The following AFF1 variants were observed in gnomAD, a reference collection of about 807,000 sequenced individuals.
AFF1 encodes ALF transcription elongation factor 1, also known as AF4/FMR2 family member 1.
In AFF1, 48 loss-of-function variants were observed where a neutral mutation model predicts 121.7. That is an observed-to-expected ratio of 0.39 (90% CI 0.31 to 0.50). AFF1 has a LOEUF of 0.50. Among genes scored for constraint, AFF1 ranks in the 20% least tolerant of loss-of-function variants. AFF1 has a pLI of 0.76. For missense variants in AFF1, 1,523 were observed against 1,511.7 expected (o/e 1.01, Z -0.12); for synonymous variants, 613 against 563.0 (o/e 1.09, Z -1.26).
rs1727321620 is a variant in AFF1 at position 87,118,269 on chromosome 4, G to C, written c.2466+2970G>C. ...AAAGAGTTAATGATGGCTAACAGCT[G>C]TGATGAAGCCATTAGACATGGCACC... On this transcript the variant is annotated intron_variant, in intron 12 of 20. Transcript: ENST00000395146. 2.0e-5 allele frequency among the ~76,000 whole-genome samples: 3 copies of C among 151,536 alleles called. No individual in the cohort carries two copies. In the South Asian group the frequency reaches 6.2e-4, roughly 32 times the overall value.
At chr4:86,980,956 C>CG (rs1560515187) in intron 2 of AFF1, among the ~76,000 whole-genome samples, 2 of 140,796 alleles carry the variant, frequency 1.4e-5, no homozygotes, top group African/African-American at 5.2e-5. Context: ...CACCCCCCCC[C>CG]TCCACCAAAA....
intron 8 of AFF1, among the ~76,000 whole-genome samples, chr4:87,102,864 TCTC>T (rs1277240091): frequency 1.3e-5 from 2 of 152,184 alleles, no homozygotes; most frequent in African/African-American, 2.4e-5. Context: ...CTGTAGTTCA[TCTC>T]CTCATTTTTC....
intron 4 of AFF1, among the ~76,000 whole-genome samples, chr4:87,067,894 G>A (rs781507180): frequency 1.7e-4 from 26 of 152,018 alleles, no homozygotes; most frequent in Non-Finnish European, 2.9e-4. Flanking sequence ...TTTATTACTC[G>A]GATTTTTATT....
At chr4:87,095,436 C>A (rs1724736255) in intron 8 of AFF1, among the ~76,000 whole-genome samples, 1 of 152,122 alleles carries the variant, frequency 6.6e-6, no homozygotes, top group Non-Finnish European at 1.5e-5. Context: ...TGGATTAAGT[C>A]CCCCTGTTGA....
intron 4 of AFF1, among the ~76,000 whole-genome samples, chr4:87,058,652 A>G (rs1280609626): frequency 2.0e-5 from 3 of 152,148 alleles, no homozygotes; most frequent in Admixed American, 6.5e-5. Context: ...CTTTCATGAT[A>G]GTCTATAGTT....
chr4:86,991,562 G>A (rs1372480503), intron 2 of AFF1, among the ~76,000 whole-genome samples: 1 of 151,982 alleles, frequency 6.6e-6, no homozygotes, highest in Non-Finnish European at 1.5e-5. Flanking sequence ...TTTTAAAATC[G>A]CTTTATAGTC....
At chr4:87,028,283 A>C (rs1211176888) in intron 2 of AFF1, among the ~76,000 whole-genome samples, 4 of 152,064 alleles carry the variant, frequency 2.6e-5, no homozygotes, top group Non-Finnish European at 5.9e-5. Flanking sequence ...GTATATCATT[A>C]AAGTTCAGTA....
intron 2 of AFF1, among the ~76,000 whole-genome samples, chr4:87,045,423 C>G (rs1473225997): frequency 4.6e-5 from 7 of 151,628 alleles, no homozygotes; most frequent in Admixed American, 4.6e-4. Flanking sequence ...CTTTTGGTCT[C>G]CATCTCTGAT....
chr4:87,030,506 T>A (rs528272200), intron 2 of AFF1, among the ~76,000 whole-genome samples: 2 of 152,186 alleles, frequency 1.3e-5, no homozygotes, highest in South Asian at 4.1e-4. Flanking sequence ...GTTAAAAAAA[T>A]TCTCCCCCCT....
intron 2 of AFF1, among the ~76,000 whole-genome samples, chr4:86,970,812 G>T (rs78486457): frequency 5.3e-5 from 8 of 152,174 alleles, no homozygotes; most frequent in Non-Finnish European, 8.8e-5. Context: ...TTGCAGGCGA[G>T]GGGGAGCTTG....
At chr4:87,021,489 T>C (rs929768452) in intron 2 of AFF1, among the ~76,000 whole-genome samples, 2 of 152,236 alleles carry the variant, frequency 1.3e-5, no homozygotes, top group African/African-American at 2.4e-5. Context: ...GTGATTTACA[T>C]CTGGCTTTAG....
In AFF1 at chr4:87,022,543, GATATATATATATATAT is replaced by G. The variant is rs1156817444; in HGVS notation, c.39-23598_39-23583del. On this transcript the variant is annotated intron_variant, in intron 2 of 20. Coordinates refer to ENST00000395146, the MANE Select transcript of AFF1 (RefSeq NM_001166693.3). ...ACGATGTTTTCTTCCCGTGCTTACA[GATATATATATATATAT>G]ATATATATATATATATATATATATC... 2.0e-3 allele frequency among the ~76,000 whole-genome samples: 164 copies of G among 80,188 alleles called. 4 individuals carry two copies. Among genetic ancestry groups the G allele is most frequent in the Middle Eastern group, 6.3e-3 (1 of 160 alleles). The allele number at this position is 80,188 out of a possible 152,430, so 52.6% of individuals were successfully genotyped here.
intron 11 of AFF1, among the ~76,000 whole-genome samples, chr4:87,112,763 G>A (rs1178613160): frequency 6.6e-6 from 1 of 152,144 alleles, no homozygotes; most frequent in Non-Finnish European, 1.5e-5. Flanking sequence ...GAAGTGGGAT[G>A]TCTTTCAACT....
intron 2 of AFF1, among the ~76,000 whole-genome samples, chr4:86,995,609 C>T (rs1266270468): frequency 1.3e-5 from 2 of 149,674 alleles, no homozygotes; most frequent in African/African-American, 2.5e-5. Flanking sequence ...CTCCTTCACT[C>T]AGTGCTCAAT....
intron 19 of AFF1, 32 bp from the exon 20 acceptor site, chr4:87,134,439 T>G (rs1198106865): frequency 6.5e-7 from 1 of 1,539,570 alleles, no homozygotes; most frequent in Non-Finnish European, 8.8e-7. Flanking sequence ...GGTGACTGAC[T>G]GATCAGTTAT....
intron 6 of AFF1, among the ~76,000 whole-genome samples, chr4:87,090,961 G>A (rs1317482578): frequency 7.3e-6 from 1 of 136,450 alleles, no homozygotes; most frequent in Non-Finnish European, 1.5e-5. Context: ...GCTGCAGTGA[G>A]CTGTAATTAA....
chr4:87,126,000 C>T, intron 13 of AFF1, 99 bp from the exon 14 acceptor site: 2 of 1,197,664 alleles, frequency 1.7e-6, no homozygotes, highest in Non-Finnish European at 2.4e-6. Context: ...CTTTGTGATA[C>T]CCTACTCTTT....
At chr4:87,123,322 CT>C (rs1405088514) in intron 12 of AFF1, among the ~76,000 whole-genome samples, 1 of 152,118 alleles carries the variant, frequency 6.6e-6, no homozygotes, top group Non-Finnish European at 1.5e-5. Context: ...CTTTTTTCTA[CT>C]AAGTCATTTC....
intron 2 of AFF1, among the ~76,000 whole-genome samples, chr4:87,015,652 GC>G (rs1727219947): frequency 6.6e-6 from 1 of 152,136 alleles, no homozygotes; most frequent in Non-Finnish European, 1.5e-5. Context: ...GCAGGGAGGG[GC>G]CTCCTCTTAA....
Sources: gnomAD v4.1 joint callset for allele counts (sites outside exome capture counted in the v4.1 genomes callset) on GRCh38, gnomAD v4.1.1 for gene constraint, MANE v1.5 for transcripts, NCBI Gene and HGNC (gene_info 2026-07-23, HGNC 2026-07-21) for gene names.